RANBP10: variants seen among roughly 807,000 people sequenced by gnomAD.
The protein encoded by RANBP10 is RAN binding protein 10.
RANBP10 carries 24 observed loss-of-function variants against 72.8 expected under a neutral mutation model. The ratio of observed to expected loss-of-function variants is 0.33; its 90% CI spans 0.24 to 0.46. The LOEUF (loss-of-function observed/expected upper bound fraction) is 0.46. Ranked by LOEUF, RANBP10 falls within the 20% of genes least tolerant of loss-of-function variation. The pLI is 1.00. For missense variants in RANBP10, 679 were observed against 817.5 expected (o/e 0.83, Z 2.07); for synonymous variants, 310 against 322.3 (o/e 0.96, Z 0.41).
intron 2 of RANBP10, among the ~76,000 whole-genome samples, chr16:67,774,728 G>A (rs1024812166): frequency 1.3e-5 from 2 of 152,108 alleles, no homozygotes; most frequent in Admixed American, 6.6e-5. Flanking sequence ...CAGGGTTCAA[G>A]GCGAATAAGC....
chr16:67,727,463 G>A (rs1469678157), intron 12 of RANBP10, 25 bp from the exon 13 acceptor site: 1 of 1,595,732 alleles, frequency 6.3e-7, no homozygotes, highest in East Asian at 2.2e-5. Context: ...ATTCTTGAGA[G>A]GACTGTGGCA....
intron 1 of RANBP10, 41 bp from the exon 2 acceptor site, chr16:67,805,580 A>G: frequency 7.8e-6 from 12 of 1,548,300 alleles, no homozygotes; most frequent in Non-Finnish European, 1.1e-5. Context: ...GCAGAAGGAA[A>G]TGCAAATGGA....
intron 3 of RANBP10, among the ~76,000 whole-genome samples, chr16:67,747,934 C>T (rs563396756): frequency 1.4e-4 from 21 of 151,332 alleles, no homozygotes; most frequent in Admixed American, 2.6e-4. Flanking sequence ...CATTCTCCCA[C>T]GTCAGTCTCC....
intron 2 of RANBP10, among the ~76,000 whole-genome samples, chr16:67,794,935 A>C (rs2055099648): frequency 6.7e-6 from 1 of 148,940 alleles, no homozygotes; most frequent in Admixed American, 6.7e-5. Context: ...CAAATTAAAA[A>C]AAAAAAAAAA....
intron 4 of RANBP10, chr16:67,740,001 C>CT (rs920709500): frequency 2.2e-3 from 309 of 143,298 alleles, no homozygotes; most frequent in Non-Finnish European, 3.0e-3. Context: ...TAGATAAAGT[C>CT]TTTTTTTTTT....
rs1260241087 is a variant in RANBP10, at chr16:67,730,824, C to G, written c.889+648G>C. On this transcript the variant is annotated intron_variant, in intron 7 of 13. Transcript: ENST00000317506. The surrounding 1 kb of genome is among the most constrained non-coding windows in gnomAD (Gnocchi z 4.3). The stretch of plus-strand genomic sequence containing the variant: ...CACTCACAGACACGCATATCCACAC[C>G]CACTTGCCCTCATTCTCCTTTTCTC... Among the ~76,000 whole-genome samples the G allele has an allele frequency of 2.0e-5, 3 of 152,122 alleles. No homozygotes were observed. The highest frequency in any genetic ancestry group is 7.2e-5 in the African/African-American group (3 of 41,414).
chr16:67,796,549 T>A (rs1009087531), intron 2 of RANBP10, among the ~76,000 whole-genome samples: 1 of 152,172 alleles, frequency 6.6e-6, no homozygotes, highest in Non-Finnish European at 1.5e-5. Context: ...AGCTGCCTGA[T>A]GTGCTGTGCA....
At chr16:67,749,476 G>A (rs2054152889) in intron 3 of RANBP10, among the ~76,000 whole-genome samples, 1 of 152,102 alleles carries the variant, frequency 6.6e-6, no homozygotes, top group South Asian at 2.1e-4. Flanking sequence ...GCTTTAGGAG[G>A]GCCAAAGCCT....
At chr16:67,772,501 C>T (rs765850157) in intron 2 of RANBP10, among the ~76,000 whole-genome samples, 51 of 152,194 alleles carry the variant, frequency 3.4e-4, no homozygotes, top group Admixed American at 5.2e-4. Flanking sequence ...ACCCAGTCTG[C>T]ACCAAAGACC....
chr16:67,771,473 G>A, intron 3 of RANBP10, among the ~76,000 whole-genome samples: 1 of 151,964 alleles, frequency 6.6e-6, no homozygotes, highest in Non-Finnish European at 1.5e-5. Flanking sequence ...TGCCTCCCAA[G>A]TAGCTGAGAC....
chr16:67,730,168 C>T lies in RANBP10; in HGVS notation c.890-122G>A. The T allele has an allele frequency of 1.2e-6, 1 of 808,892 alleles. No individual in the cohort carries two copies. Among genetic ancestry groups the T allele is most frequent in the Non-Finnish European group, 2.0e-6 (1 of 501,256 alleles). The allele number at this position is 808,892 out of a possible 1,614,324, so 50.1% of individuals were successfully genotyped here. A position where few individuals can be genotyped will look rare whatever the true frequency, so the allele number is the denominator to read the frequency against. On this transcript the variant is annotated intron_variant, in intron 7 of 13. Transcript: ENST00000317506. This position sits in a 1 kb window ranked among gnomAD's most constrained non-coding sequence, Gnocchi z 4.3. ...CAGAGTGCCTCGCCAGCTTGAAATG[C>T]TCACAGGAGAGGAGGCTGGAGAAAG...
rs192899048 is a variant in RANBP10 at position 67,759,248 on chromosome 16, G to A, written c.400+12786C>T. Reference sequence around the variant, plus strand: ...CCATGTGCCAGGGGTCTCTCGGAACGAGAAACAACAGAATGAGAAAGGCAG... The same window carrying A: ...CCATGTGCCAGGGGTCTCTCGGAACAAGAAACAACAGAATGAGAAAGGCAG... On this transcript the variant is annotated intron_variant, in intron 3 of 13. Coordinates refer to ENST00000317506, the MANE Select transcript of RANBP10 (RefSeq NM_020850.3). Among the ~76,000 whole-genome samples the A allele has an allele frequency of 6.0e-3, 912 of 152,342 alleles. 3 individuals are homozygous for A. The highest frequency in any genetic ancestry group is 0.01 in the Non-Finnish European group (684 of 68,028).
At chr16:67,787,422 A>AC (rs1384941409) in intron 2 of RANBP10, among the ~76,000 whole-genome samples, 2 of 152,180 alleles carry the variant, frequency 1.3e-5, no homozygotes, top group Admixed American at 1.3e-4. Flanking sequence ...GCCTTCACAC[A>AC]CTGCTGGTGG....
chr16:67,744,291 G>A lies in RANBP10; in HGVS notation c.565C>T (p.Leu189Phe), dbSNP rs1229902028. 1 of 1,613,918 alleles carries A rather than the reference G, an allele frequency of 6.2e-7. No homozygotes were observed. Among genetic ancestry groups the A allele is most frequent in the Non-Finnish European group, 8.5e-7 (1 of 1,179,938 alleles). The change falls in exon 4 of 14, where the codon CTT (leucine) becomes TTT (phenylalanine). Residue 189 changes from leucine to phenylalanine, a missense_variant. Coordinates refer to ENST00000317506, the MANE Select transcript of RANBP10 (RefSeq NM_020850.3). ...TCFYTKNGHSLGIAFTDLPAN... is the reference protein window; with the variant it reads ...TCFYTKNGHSFGIAFTDLPAN... The stretch of plus-strand genomic sequence containing the variant: ...CCAAGGTCCCTTATGCACACACCAA[G>A]GCTGTGGCCATTCTTGGTGTAGAAG...
In RANBP10 at chr16:67,730,057, C is replaced by T. The variant is rs373999083; in HGVS notation, c.890-11G>A. The T allele has an allele frequency of 2.7e-5, 43 of 1,609,846 alleles. No homozygotes were observed. The African/African-American group carries it at 4.9e-4, about 18-fold the overall frequency. On this transcript the variant is annotated splice_polypyrimidine_tract_variant and intron_variant, in intron 7 of 13. Transcript: ENST00000317506. This position sits in a 1 kb window ranked among gnomAD's most constrained non-coding sequence, Gnocchi z 4.3. ...CCAGCTTCTGGATCTCTGCAGGGTG[C>T]AAGAACACAGCAGTGAGCGAGGGCT... is the stretch of plus-strand genomic sequence containing the variant.
At chr16:67,776,384 C>T (rs1250344098) in intron 2 of RANBP10, among the ~76,000 whole-genome samples, 2 of 146,932 alleles carry the variant, frequency 1.4e-5, no homozygotes, top group East Asian at 3.9e-4. Context: ...ATCGCTTAAA[C>T]CTGGGAGACA....
rs369908990 is a variant in RANBP10, at chr16:67,751,872, C to T, written c.401-7417G>A. The stretch of plus-strand genomic sequence containing the variant: ...TGGAGATTGCAGTGAGCTGAAATCG[C>T]GCCACTTCACTCCGTCTCAAAAAGA... On this transcript the variant is annotated intron_variant, in intron 3 of 13. Transcript: ENST00000317506. Among the ~76,000 whole-genome samples the T allele has an allele frequency of 1.3e-3, 189 of 151,104 alleles. 1 individual carries two copies. The highest frequency in any genetic ancestry group is 4.1e-3 in the African/African-American group (168 of 41,120).
intron 3 of RANBP10, among the ~76,000 whole-genome samples, chr16:67,770,614 G>C (rs2054590959): frequency 6.6e-6 from 1 of 152,152 alleles, no homozygotes; most frequent in South Asian, 2.1e-4. Flanking sequence ...GGGAAGCCTG[G>C]ATCATGTCAC....
intron 3 of RANBP10, among the ~76,000 whole-genome samples, chr16:67,753,433 G>A (rs962629676): frequency 1.3e-5 from 2 of 152,168 alleles, no homozygotes; most frequent in East Asian, 1.9e-4. Flanking sequence ...GTTTGAGGTG[G>A]CAGTGAGCTA....
Sources: allele counts gnomAD v4.1 joint callset (sites outside exome capture counted in the v4.1 genomes callset), GRCh38; gene constraint gnomAD v4.1.1; non-coding constraint Gnocchi (gnomAD v3.1); transcripts MANE v1.5; gene names NCBI Gene and HGNC (gene_info 2026-07-23, HGNC 2026-07-21).